EPHA3: variants seen among roughly 807,000 people sequenced by gnomAD.
EPHA3 encodes the protein ephrin type-A receptor 3.
In EPHA3, 42 loss-of-function variants were observed where a neutral mutation model predicts 107.1. That is an observed-to-expected ratio of 0.39 (90% CI 0.31 to 0.51). The LOEUF is 0.51. Among genes scored for constraint, EPHA3 ranks in the 20% least tolerant of loss-of-function variants. The pLI is 0.78. For missense variants in EPHA3, 1,183 were observed against 1,211.2 expected, an observed-to-expected ratio of 0.98 and a Z score of 0.35; for synonymous variants, 461 against 424.8, an observed-to-expected ratio of 1.09 and a Z score of -1.05.
chr3:89,187,940 G>C (rs1213497802), intron 2 of EPHA3, among the ~76,000 whole-genome samples: 1 of 151,994 alleles, frequency 6.6e-6, no homozygotes, highest in Non-Finnish European at 1.5e-5. Context: ...TGCTTTCTTT[G>C]ACAATTCTAC....
chr3:89,237,255 CCAGGTGCT>C (rs763458151), intron 3 of EPHA3, among the ~76,000 whole-genome samples: 2 of 152,242 alleles, frequency 1.3e-5, no homozygotes, highest in Non-Finnish European at 2.9e-5. Context: ...GCCTGTAATC[CCAGGTGCT>C]CAGGAGGCTG....
intron 3 of EPHA3, among the ~76,000 whole-genome samples, chr3:89,330,116 G>C (rs1576315369): frequency 6.6e-6 from 1 of 151,832 alleles, no homozygotes; most frequent in East Asian, 1.9e-4. Flanking sequence ...ATTTATCATG[G>C]TGTTTATGTT....
chr3:89,109,268 G>A (rs1206903491), intron 1 of EPHA3, among the ~76,000 whole-genome samples: 8 of 152,124 alleles, frequency 5.3e-5, no homozygotes, highest in African/African-American at 1.7e-4. Flanking sequence ...AAATTAAAAT[G>A]TTTATTTGAA....
At chr3:89,205,154 T>A (rs1205867111) in intron 2 of EPHA3, among the ~76,000 whole-genome samples, 1 of 152,218 alleles carries the variant, frequency 6.6e-6, no homozygotes, top group Admixed American at 6.5e-5. Flanking sequence ...CTAAATTTAT[T>A]GCAGCTTCTG....
chr3:89,400,141 TA>T (rs1441025475), intron 7 of EPHA3: 1 of 802,494 alleles, frequency 1.2e-6, no homozygotes, highest in Non-Finnish European at 1.5e-6. Flanking sequence ...GGCACTAATA[TA>T]AAATGAGTAG....
intron 13 of EPHA3, among the ~76,000 whole-genome samples, chr3:89,442,718 A>G (rs1053917346): frequency 6.6e-6 from 1 of 152,180 alleles, no homozygotes; most frequent in Non-Finnish European, 1.5e-5. Context: ...TTTCCTGTCC[A>G]TATTGGACTG....
At chr3:89,140,377 ATT>A (rs1203889203) in intron 2 of EPHA3, among the ~76,000 whole-genome samples, 2 of 151,832 alleles carry the variant, frequency 1.3e-5, no homozygotes, top group African/African-American at 4.8e-5. Flanking sequence ...TAGCCAGTAA[ATT>A]CTCAAGATTT....
At chr3:89,211,189 T>C (rs968133439) in intron 3 of EPHA3, among the ~76,000 whole-genome samples, 1 of 152,124 alleles carries the variant, frequency 6.6e-6, no homozygotes, top group Non-Finnish European at 1.5e-5. Context: ...GCATATTTGA[T>C]ATTAATATAA....
At chr3:89,134,347 C>T (rs914733257) in intron 2 of EPHA3, among the ~76,000 whole-genome samples, 2 of 152,028 alleles carry the variant, frequency 1.3e-5, no homozygotes, top group Non-Finnish European at 2.9e-5. Flanking sequence ...AGGTATATCT[C>T]CTAATGCTAT....
chr3:89,421,803 T>C (rs1709357644), intron 11 of EPHA3, among the ~76,000 whole-genome samples: 1 of 151,368 alleles, frequency 6.6e-6, no homozygotes, highest in Non-Finnish European at 1.5e-5. Flanking sequence ...ATATAGATTA[T>C]GGTAGACTGA....
At chr3:89,434,087 T>C (rs924909433) in intron 13 of EPHA3, among the ~76,000 whole-genome samples, 1 of 152,178 alleles carries the variant, frequency 6.6e-6, no homozygotes, top group African/African-American at 2.4e-5. Context: ...GTTACAACAA[T>C]CATATTATGC....
chr3:89,362,471 T>A lies in EPHA3; in HGVS notation c.1306+20381T>A. On this transcript the variant is annotated intron_variant, in intron 5 of 16. Transcript: ENST00000336596. ...TGCTTTTACTTTCTGTATTTCTTTA[T>A]AGAGCCCTTCGTCTTAAATGCAGTC... Among the ~76,000 whole-genome samples the A allele has an allele frequency of 1.3e-5, 2 of 151,122 alleles. 1 individual carries two copies. Among genetic ancestry groups the A allele is most frequent in the Non-Finnish European group, 3.0e-5 (2 of 67,482 alleles).
intron 3 of EPHA3, among the ~76,000 whole-genome samples, chr3:89,275,533 C>T (rs1252037575): frequency 6.6e-6 from 1 of 152,056 alleles, no homozygotes; most frequent in African/African-American, 2.4e-5. Flanking sequence ...CTGTCTTGGA[C>T]ACTAAGAGGT....
chr3:89,341,173 T>C lies in EPHA3; in HGVS notation c.970+102T>C. 3 of 1,243,166 alleles carry C rather than the reference T, an allele frequency of 2.4e-6. No homozygotes were observed. The Admixed American group carries it at 7.3e-5, about 30-fold the overall frequency. The allele number at this position is 1,243,166 out of a possible 1,614,324, so 77.0% of individuals were successfully genotyped here. A position where few individuals can be genotyped will look rare whatever the true frequency, so the allele number is the denominator to read the frequency against. On this transcript the variant is annotated intron_variant, in intron 4 of 16. Transcript: ENST00000336596. Reference sequence around the variant, plus strand: ...TTAAAGCATTTGGCCCATTTCCTTCTGTTGCCCGTGTGCAAATTGAAAGCT... The same window carrying C: ...TTAAAGCATTTGGCCCATTTCCTTCCGTTGCCCGTGTGCAAATTGAAAGCT...
At chr3:89,315,894 A>T (rs780345972) in intron 3 of EPHA3, among the ~76,000 whole-genome samples, 2 of 151,872 alleles carry the variant, frequency 1.3e-5, no homozygotes, top group Non-Finnish European at 2.9e-5. Flanking sequence ...AATCATCTCT[A>T]AAGTATTATA....
chr3:89,325,930 TATAC>T (rs1401026850), intron 3 of EPHA3, among the ~76,000 whole-genome samples: 1 of 151,202 alleles, frequency 6.6e-6, no homozygotes, highest in Non-Finnish European at 1.5e-5. Flanking sequence ...GTTAAGATAT[TATAC>T]ATATTAAGAA....
intron 2 of EPHA3, among the ~76,000 whole-genome samples, chr3:89,164,420 C>G (rs1276382455): frequency 6.6e-6 from 1 of 152,192 alleles, no homozygotes; most frequent in Non-Finnish European, 1.5e-5. Context: ...TCCAACAAAC[C>G]TTTGCAGAGT....
chr3:89,371,721 T>TACACACAC (rs111924124), intron 5 of EPHA3, among the ~76,000 whole-genome samples: 1 of 147,502 alleles, frequency 6.8e-6, no homozygotes, highest in Non-Finnish European at 1.5e-5. Flanking sequence ...GTGATACACA[T>TACACACAC]ACACACACAC....
chr3:89,202,281 CGCCAGGGGTTAGAGACCA>C (rs778463910), intron 2 of EPHA3, among the ~76,000 whole-genome samples: 4 of 151,682 alleles, frequency 2.6e-5, no homozygotes, highest in Non-Finnish European at 4.4e-5. Flanking sequence ...GATCACTTGA[CGCCAGGGGTTAGAGACCA>C]GCCTGGCCAA....
Sources: allele counts gnomAD v4.1 joint callset (sites outside exome capture counted in the v4.1 genomes callset), GRCh38; gene constraint gnomAD v4.1.1; transcripts MANE v1.5; gene names NCBI Gene and HGNC (gene_info 2026-07-23, HGNC 2026-07-21).